Variants in KPNA1 observed in about 807,000 individuals in gnomAD.
KPNA1 encodes the protein karyopherin subunit alpha 1, also known as importin subunit alpha-5.
KPNA1 carries 10 observed loss-of-function variants against 70.5 expected under a neutral mutation model. The ratio of observed to expected loss-of-function variants is 0.14; its 90% CI spans 0.09 to 0.24. The LOEUF (loss-of-function observed/expected upper bound fraction) is 0.24, where lower values mean the gene tolerates loss of function less well. KPNA1 is among the 10% of genes least tolerant of loss of function. The pLI, the probability that KPNA1 is intolerant of heterozygous loss-of-function variation, is 1.00. For synonymous variants in KPNA1, 192 were observed against 221.9 expected (o/e 0.87, Z 1.20); for missense variants, 397 against 637.9 (o/e 0.62, Z 4.07).
At chr3:122,498,967 C>T (rs1422255032) in intron 1 of KPNA1, among the ~76,000 whole-genome samples, 3 of 152,128 alleles carry the variant, frequency 2.0e-5, no homozygotes, top group Non-Finnish European at 4.4e-5. Context: ...TAAATTCATT[C>T]CTAAGTATTT....
chr3:122,431,523 C>G (rs958093905), intron 12 of KPNA1, among the ~76,000 whole-genome samples: 2 of 152,130 alleles, frequency 1.3e-5, no homozygotes, highest in Non-Finnish European at 2.9e-5. Flanking sequence ...CAAGAAGCAG[C>G]AGAAGCCAGA....
At chr3:122,480,784 C>A (rs914282284) in intron 2 of KPNA1, among the ~76,000 whole-genome samples, 12 of 151,836 alleles carry the variant, frequency 7.9e-5, no homozygotes, top group African/African-American at 2.9e-4. Flanking sequence ...GCCAGGAGTT[C>A]GAGACCAGCC....
chr3:122,485,405 G>T (rs1243045066), intron 2 of KPNA1, among the ~76,000 whole-genome samples: 1 of 150,208 alleles, frequency 6.7e-6, no homozygotes, highest in Non-Finnish European at 1.5e-5. Context: ...TTCAATGGGG[G>T]AAATAATCTT....
At chr3:122,474,850 T>C (rs1486862314) in intron 2 of KPNA1, among the ~76,000 whole-genome samples, 1 of 152,052 alleles carries the variant, frequency 6.6e-6, no homozygotes, top group Non-Finnish European at 1.5e-5. Context: ...ATAGAAAGAA[T>C]TTACCTCCAC....
intron 9 of KPNA1, among the ~76,000 whole-genome samples, chr3:122,447,507 T>C (rs998975169): frequency 6.6e-6 from 1 of 152,162 alleles, no homozygotes; most frequent in Non-Finnish European, 1.5e-5. Flanking sequence ...AAACTAGGTA[T>C]TGATGGACCA....
intron 10 of KPNA1, among the ~76,000 whole-genome samples, chr3:122,440,473 G>A (rs1172509216): frequency 2.0e-5 from 3 of 152,132 alleles, no homozygotes; most frequent in Non-Finnish European, 4.4e-5. Flanking sequence ...GAACAAATAT[G>A]GCAAAAGCAT....
intron 2 of KPNA1, among the ~76,000 whole-genome samples, chr3:122,492,912 T>A (rs1045574420): frequency 6.6e-6 from 1 of 152,256 alleles, no homozygotes; most frequent in East Asian, 1.9e-4. Context: ...TTATTTTCTA[T>A]CCATTTCAGT....
chr3:122,461,701 T>C (rs1304803523), intron 4 of KPNA1, among the ~76,000 whole-genome samples: 2 of 152,226 alleles, frequency 1.3e-5, no homozygotes, highest in African/African-American at 2.4e-5. Context: ...TTGTCTGTTG[T>C]AAATCATCTT....
chr3:122,496,349 C>CACACACACAA (rs60229151), intron 2 of KPNA1, 88 bp downstream of exon 2: 1 of 1,213,574 alleles, frequency 8.2e-7, no homozygotes, highest in Non-Finnish European at 1.2e-6. Context: ...CACACACACA[C>CACACACACAA]CCCAACTTTG....
intron 2 of KPNA1, among the ~76,000 whole-genome samples, chr3:122,486,807 T>C (rs1420962279): frequency 2.0e-5 from 3 of 152,116 alleles, no homozygotes; most frequent in Non-Finnish European, 2.9e-5. Flanking sequence ...CAGGATGGTC[T>C]TGATCTCCTG....
intron 1 of KPNA1, among the ~76,000 whole-genome samples, chr3:122,504,965 T>A (rs1449128859): frequency 6.6e-6 from 1 of 151,958 alleles, no homozygotes; most frequent in Non-Finnish European, 1.5e-5. Context: ...CTAATTAATG[T>A]GTCTGAAGCA....
chr3:122,442,525 GAC>G (rs1178743582), intron 9 of KPNA1, among the ~76,000 whole-genome samples: 1 of 152,138 alleles, frequency 6.6e-6, no homozygotes, highest in Admixed American at 6.5e-5. Flanking sequence ...ACGTAAAAGT[GAC>G]ACATCAACAG....
chr3:122,450,994 A>G (rs2076196013), intron 8 of KPNA1, among the ~76,000 whole-genome samples: 2 of 152,304 alleles, frequency 1.3e-5, no homozygotes, highest in Middle Eastern at 3.4e-3. Context: ...GGACTCAGGG[A>G]GAAAGGGTCG....
chr3:122,459,658 C>A, intron 5 of KPNA1: 3 of 985,298 alleles, frequency 3.0e-6, no homozygotes, highest in Non-Finnish European at 3.6e-6. Flanking sequence ...TAGATGGGGA[C>A]CAGAATTACA....
intron 5 of KPNA1, 111 bp downstream of exon 5, chr3:122,461,113 T>C (rs2076319183): frequency 3.2e-6 from 2 of 624,592 alleles, no homozygotes; most frequent in South Asian, 5.1e-5. Context: ...AATATCATTA[T>C]AAACAAACTT....
chr3:122,445,133 T>C (rs139072880), intron 9 of KPNA1, among the ~76,000 whole-genome samples: 54 of 152,214 alleles, frequency 3.5e-4, no homozygotes, highest in African/African-American at 6.3e-4. Context: ...TTCTAACCCA[T>C]TGCAAGGAAG....
At position 122,453,557 on chromosome 3, in the gene KPNA1, A is replaced by G. The variant is rs1203667512; in HGVS notation, c.564+313T>C. On this transcript the variant is annotated intron_variant, in intron 6 of 13. Transcript: ENST00000344337. ...TTTTGTTTGTTTTGTTTTTTTTGAG[A>G]CAAAGTCTTGCTCTCGTCACCCAGG... Among the ~76,000 whole-genome samples, 4 of 151,576 alleles carry G rather than the reference A, an allele frequency of 2.6e-5. 1 individual carries two copies. The highest frequency in any genetic ancestry group is 4.2e-4 in the South Asian group (2 of 4,784).
chr3:122,510,112 T>C (rs2076938924), intron 1 of KPNA1, among the ~76,000 whole-genome samples: 1 of 152,178 alleles, frequency 6.6e-6, no homozygotes, highest in Non-Finnish European at 1.5e-5. Flanking sequence ...CAGAATTTTA[T>C]ACCCAGACAA....
chr3:122,441,617 T>C (rs1233003849), intron 10 of KPNA1, among the ~76,000 whole-genome samples: 1 of 152,290 alleles, frequency 6.6e-6, no homozygotes, highest in East Asian at 1.9e-4. Context: ...TTTTTTTTCT[T>C]TGAGCTGGAG....
Sources: allele counts gnomAD v4.1 joint callset (sites outside exome capture counted in the v4.1 genomes callset), GRCh38; gene constraint gnomAD v4.1.1; transcripts MANE v1.5; gene names NCBI Gene and HGNC (gene_info 2026-07-23, HGNC 2026-07-21).